BMAL1: variants seen among roughly 807,000 people sequenced by gnomAD.
BMAL1 encodes basic helix-loop-helix ARNT like 1.
chr11:13,312,397 G>C, the BMAL1 span, among the ~76,000 whole-genome samples: 5 of 152,238 alleles, frequency 3.3e-5, no homozygotes, highest in African/African-American at 1.2e-4. Flanking sequence ...GATAGATCGA[G>C]TCCCTCAGGT....
chr11:13,277,028 A>C, the BMAL1 span: 3 of 152,266 alleles, frequency 2.0e-5, no homozygotes, highest in Non-Finnish European at 4.4e-5. Context: ...TACGGGAATG[A>C]CAGCTCCAGT....
At chr11:13,334,530 T>TG in the BMAL1 span, among the ~76,000 whole-genome samples, 1 of 150,324 alleles carries the variant, frequency 6.7e-6, no homozygotes. Flanking sequence ...CTCTTGATGT[T>TG]TTTTTTTTTT....
At chr11:13,329,419 G>A in the BMAL1 span, among the ~76,000 whole-genome samples, 1 of 152,186 alleles carries the variant, frequency 6.6e-6, no homozygotes, top group Non-Finnish European at 1.5e-5. Context: ...CAGGAGCCAT[G>A]TCACAGGACC....
At chr11:13,313,349 C>T in the BMAL1 span, among the ~76,000 whole-genome samples, 1 of 152,194 alleles carries the variant, frequency 6.6e-6, no homozygotes, top group African/African-American at 2.4e-5. Context: ...AGCTCATCCA[C>T]CACTCACCTC....
the BMAL1 span, among the ~76,000 whole-genome samples, chr11:13,293,235 T>C: frequency 0.92 from 140,690 of 152,200 alleles, 65,488 homozygotes; most frequent in East Asian, 1. Flanking sequence ...TGTGAATTAC[T>C]CAGAAGACAT....
chr11:13,292,891 C>T, the BMAL1 span, among the ~76,000 whole-genome samples: 11 of 152,182 alleles, frequency 7.2e-5, no homozygotes, highest in Non-Finnish European at 1.5e-4. Context: ...AGCACATTCT[C>T]TTTTTCCAGT....
At chr11:13,296,235 A>T in the BMAL1 span, among the ~76,000 whole-genome samples, 1 of 152,150 alleles carries the variant, frequency 6.6e-6, no homozygotes, top group Admixed American at 6.5e-5. Context: ...TCCTGCAAAC[A>T]TCAGTGATGG....
chr11:13,367,591 C>T, the BMAL1 span, among the ~76,000 whole-genome samples: 2 of 150,668 alleles, frequency 1.3e-5, no homozygotes, highest in Non-Finnish European at 2.9e-5. Flanking sequence ...ATCCAAGCTA[C>T]TTGGGAGGCT....
chr11:13,284,214 A>T, the BMAL1 span, among the ~76,000 whole-genome samples: 1 of 23,250 alleles, frequency 4.3e-5, no homozygotes, highest in African/African-American at 1.4e-4. Flanking sequence ...ATATATGTGT[A>T]TATATATATA....
chr11:13,376,670 C>G, the BMAL1 span: 4 of 1,614,110 alleles, frequency 2.5e-6, no homozygotes, highest in Non-Finnish European at 3.4e-6. Flanking sequence ...GGGACCCAAC[C>G]TTCCCACAGC....
chr11:13,327,063 ACC>A, the BMAL1 span, among the ~76,000 whole-genome samples: 1 of 150,428 alleles, frequency 6.6e-6, no homozygotes, highest in African/African-American at 2.4e-5. Context: ...CTCGTGATCC[ACC>A]CCCCTCAGCC....
the BMAL1 span, among the ~76,000 whole-genome samples, chr11:13,287,901 T>C: frequency 6.6e-6 from 1 of 152,238 alleles, no homozygotes; most frequent in Non-Finnish European, 1.5e-5. Context: ...CCAAGAATGT[T>C]ACTAGACCCA....
At chr11:13,371,122 T>C in the BMAL1 span, among the ~76,000 whole-genome samples, 1 of 152,264 alleles carries the variant, frequency 6.6e-6, no homozygotes, top group African/African-American at 2.4e-5. Context: ...CACAAGGGCA[T>C]GTCTGATTTG....
the BMAL1 span, chr11:13,366,522 T>TA: frequency 1.4e-3 from 1,002 of 724,188 alleles, 3 homozygotes; most frequent in African/African-American, 0.01. Context: ...TGGTTGGACA[T>TA]ATGTACAGGT....
chr11:13,288,408 T>TC, the BMAL1 span, among the ~76,000 whole-genome samples: 1 of 12,090 alleles, frequency 8.3e-5, no homozygotes, highest in Non-Finnish European at 3.9e-4. Flanking sequence ...CTTTCTTTCT[T>TC]TCTTTCTTTT....
chr11:13,350,085 T>A, the BMAL1 span: 2 of 152,146 alleles, frequency 1.3e-5, no homozygotes, highest in Non-Finnish European at 2.9e-5. Flanking sequence ...CAAAGTAGTA[T>A]CCCCTCCCTG....
chr11:13,331,675 G>T, the BMAL1 span, among the ~76,000 whole-genome samples: 1 of 152,296 alleles, frequency 6.6e-6, no homozygotes, highest in African/African-American at 2.4e-5. Context: ...GGTTTTTTCT[G>T]AGCCTCTGTA....
chr11:13,287,820 G>T, the BMAL1 span, among the ~76,000 whole-genome samples: 1 of 152,176 alleles, frequency 6.6e-6, no homozygotes, highest in African/African-American at 2.4e-5. Context: ...AAGAAAACTT[G>T]TTGCATATTT....
the BMAL1 span, chr11:13,354,545 G>A: frequency 6.7e-7 from 1 of 1,483,806 alleles, no homozygotes; most frequent in South Asian, 1.3e-5. Context: ...TCCTGGAAAA[G>A]GGGATGGGAA....
Sources: allele counts gnomAD v4.1 joint callset (sites outside exome capture counted in the v4.1 genomes callset), GRCh38; gene constraint gnomAD v4.1.1; transcripts MANE v1.5; gene names NCBI Gene and HGNC (gene_info 2026-07-23, HGNC 2026-07-21).